CCDC90B: variants seen among roughly 807,000 people sequenced by gnomAD.
The protein encoded by CCDC90B is coiled-coil domain-containing protein 90B, mitochondrial.
CCDC90B carries 24 observed loss-of-function variants against 37.0 expected under a neutral mutation model. The ratio of observed to expected loss-of-function variants is 0.65; its 90% CI spans 0.47 to 0.91. CCDC90B has a LOEUF of 0.91. Among genes scored for constraint, CCDC90B ranks in the 40% least tolerant of loss-of-function variants. The probability of loss-of-function intolerance (pLI) is 0.00; values close to 1 mark genes in which losing one functional copy is unlikely to be tolerated. For synonymous variants in CCDC90B, 113 were observed against 101.1 expected, an observed-to-expected ratio of 1.12 and a Z score of -0.71; for missense variants, 319 against 299.0, an observed-to-expected ratio of 1.07 and a Z score of -0.49.
chr11:83,274,885 T>C (rs1864929557), intron 3 of CCDC90B, 145 bp from the exon 4 acceptor site: 1 of 464,576 alleles, frequency 2.2e-6, no homozygotes, highest in Non-Finnish European at 3.8e-6. Flanking sequence ...AACCTACATA[T>C]CTGAAATATC....
rs775485324 is a variant in CCDC90B, at chr11:83,265,910, T to A, written c.664A>T (p.Thr222Ser). ...KIDAEIASLK[T>S]LMESNKLETI... ...TCAAGTTTGTTAGATTCCATCAGTG[T>A]TTTTAAGGAAGCAATTTCAGCGTCA... Residue 222 changes from threonine (T) to serine (S), a missense_variant, in exon 8 of 9, where the codon ACA becomes TCA. Transcript: ENST00000529689. The A allele has an allele frequency of 2.7e-5, 44 of 1,612,064 alleles. No homozygotes were observed. Among genetic ancestry groups the A allele is most frequent in the Non-Finnish European group, 3.7e-5 (44 of 1,179,168 alleles).
rs2135573639 is a variant in CCDC90B at position 83,259,786 on chromosome 11, T to A, written c.*2125A>T. The stretch of plus-strand genomic sequence containing the variant: ...CTCAAGCAATCCTGCTGCCGCAGCC[T>A]CCCAAGCAGCTAGGACTATAGATGT... On this transcript the variant is annotated 3_prime_UTR_variant, in exon 9 of 9. Transcript: ENST00000529689. 1 of 152,386 alleles carries A rather than the reference T, an allele frequency of 6.6e-6. No homozygotes were observed. Among genetic ancestry groups the A allele is most frequent in the East Asian group, 1.9e-4 (1 of 5,174 alleles). The allele number at this position is 152,386 out of a possible 1,614,324, so 9.4% of individuals were successfully genotyped here. A position where few individuals can be genotyped will look rare whatever the true frequency, so the allele number is the denominator to read the frequency against.
At chr11:83,285,078 G>A (rs1865599881) in intron 1 of CCDC90B, 7 of 1,079,030 alleles carry the variant, frequency 6.5e-6, no homozygotes, top group South Asian at 5.2e-5. Context: ...ACAATATGGA[G>A]TATAAATAAC....
At position 83,260,698 on chromosome 11, in the gene CCDC90B, C is replaced by G. The variant is rs1285350809; in HGVS notation, c.*1213G>C. 6.6e-6 allele frequency: 1 copy of G among 152,124 alleles called. No individual in the cohort carries two copies. The highest frequency in any genetic ancestry group is 2.4e-5 in the African/African-American group (1 of 41,426). 9.4% of individuals were successfully genotyped at this position (152,124 alleles called of 1,614,324 possible). The stretch of plus-strand genomic sequence containing the variant: ...AGGCATTATGAACTCAAAATGTTTA[C>G]TTTCTGGTCTTGTCTTCTTGATCTG... On this transcript the variant is annotated 3_prime_UTR_variant, in exon 9 of 9. Coordinates refer to ENST00000529689, the MANE Select transcript of CCDC90B (RefSeq NM_021825.5).
At position 83,274,596 on chromosome 11, in the gene CCDC90B, G is replaced by C. The variant is rs1864908695; in HGVS notation, c.426+43C>G. 4 of 1,159,896 alleles carry C rather than the reference G, an allele frequency of 3.4e-6. No homozygotes were observed. The African/African-American group carries it at 6.2e-5, about 18-fold the overall frequency. The allele number at this position is 1,159,896 out of a possible 1,614,324, so 71.9% of individuals were successfully genotyped here. ...ATTCCTTAAGTAGGATGCTTATTAT[G>C]AGATCAGTTATTTTATAAGTAATAA... On this transcript the variant is annotated intron_variant, in intron 4 of 8. Coordinates refer to ENST00000529689, the MANE Select transcript of CCDC90B (RefSeq NM_021825.5).
intron 7 of CCDC90B, chr11:83,267,097 C>G (rs1428786806): frequency 2.0e-5 from 3 of 152,216 alleles, no homozygotes; most frequent in Admixed American, 6.5e-5. Context: ...CACCAAAACC[C>G]CATCTGTAGG....
intron 3 of CCDC90B, among the ~76,000 whole-genome samples, chr11:83,277,605 C>T (rs982065412): frequency 6.6e-6 from 1 of 152,048 alleles, no homozygotes; most frequent in Admixed American, 6.6e-5. Flanking sequence ...GCCTCAGCCT[C>T]CCGAGGAGCT....
At position 83,259,235 on chromosome 11, in the gene CCDC90B, G is replaced by C. The variant is rs2135572377; in HGVS notation, c.*2676C>G. 6.6e-6 allele frequency: 1 copy of C among 152,278 alleles called. No individual in the cohort carries two copies. Among genetic ancestry groups the C allele is most frequent in the Middle Eastern group, 3.4e-3 (1 of 294 alleles). 9.4% of individuals were successfully genotyped at this position (152,278 alleles called of 1,614,324 possible). On this transcript the variant is annotated 3_prime_UTR_variant, in exon 9 of 9. Coordinates refer to ENST00000529689, the MANE Select transcript of CCDC90B (RefSeq NM_021825.5). Reference sequence around the variant, plus strand: ...ATAGTGAAGTGCAAGTGCTGGAATAGAGGTATAGTTTTAAGGCATATAGAA... The same window carrying C: ...ATAGTGAAGTGCAAGTGCTGGAATACAGGTATAGTTTTAAGGCATATAGAA...
In CCDC90B at chr11:83,259,317, T is replaced by G. The variant is rs1432190367; in HGVS notation, c.*2594A>C. The stretch of plus-strand genomic sequence containing the variant: ...TCCATCACTGAAACAAAAATTTACC[T>G]GAACCCCAGAACCACCATCAAAATG... On this transcript the variant is annotated 3_prime_UTR_variant, in exon 9 of 9. Coordinates refer to ENST00000529689, the MANE Select transcript of CCDC90B (RefSeq NM_021825.5). The G allele has an allele frequency of 6.6e-6, 1 of 152,146 alleles. No individual in the cohort carries two copies. Among genetic ancestry groups the G allele is most frequent in the Non-Finnish European group, 1.5e-5 (1 of 68,018 alleles). 9.4% of individuals were successfully genotyped at this position (152,146 alleles called of 1,614,324 possible).
chr11:83,267,780 G>T (rs1475877230), intron 7 of CCDC90B, among the ~76,000 whole-genome samples: 1 of 152,166 alleles, frequency 6.6e-6, no homozygotes, highest in Non-Finnish European at 1.5e-5. Flanking sequence ...TACTCCTTAA[G>T]AAGAGCAACC....
At chr11:83,277,184 T>C (rs1324795327) in intron 3 of CCDC90B, among the ~76,000 whole-genome samples, 2 of 152,224 alleles carry the variant, frequency 1.3e-5, no homozygotes, top group African/African-American at 4.8e-5. Context: ...GCAGCACAAA[T>C]ATTCCTCAAA....
At chr11:83,284,418 G>A (rs1865563584) in intron 1 of CCDC90B, among the ~76,000 whole-genome samples, 1 of 152,200 alleles carries the variant, frequency 6.6e-6, no homozygotes, top group Admixed American at 6.5e-5. Context: ...AAACACTTCA[G>A]TGTATAGCCA....
Position 83,280,121 on chromosome 11 carries a change from G to T in CCDC90B, c.220+20C>A. On this transcript the variant is annotated intron_variant, in intron 2 of 8. Transcript: ENST00000529689. ...AGTGCTATTAATTTTCTTCTTTCAG[G>T]AGGTATCCATGTTTCTCACCATGAG... 6.2e-7 allele frequency: 1 copy of T among 1,605,314 alleles called. No individual in the cohort carries two copies. Among genetic ancestry groups the T allele is most frequent in the South Asian group, 1.1e-5 (1 of 89,484 alleles).
intron 8 of CCDC90B, among the ~76,000 whole-genome samples, chr11:83,262,292 G>A (rs1863973784): frequency 6.6e-6 from 1 of 152,012 alleles, no homozygotes; most frequent in Non-Finnish European, 1.5e-5. Flanking sequence ...CATGATAAAT[G>A]AAATCTTTCT....
Position 83,259,148 on chromosome 11 carries a change from C to G in CCDC90B, c.*2763G>C, listed in dbSNP as rs915706152. 1 of 152,156 alleles carries G rather than the reference C, an allele frequency of 6.6e-6. No homozygotes were observed. Among genetic ancestry groups the G allele is most frequent in the Non-Finnish European group, 1.5e-5 (1 of 68,022 alleles). 9.4% of individuals were successfully genotyped at this position (152,156 alleles called of 1,614,324 possible). A position where few individuals can be genotyped will look rare whatever the true frequency, so the allele number is the denominator to read the frequency against. On this transcript the variant is annotated 3_prime_UTR_variant, in exon 9 of 9. Transcript: ENST00000529689. Reference sequence around the variant, plus strand: ...CGTTTAACAAGTACCTCACATGTGTCTAGAGGCCTTCTGAGAACTTGTAGT... The same window carrying G: ...CGTTTAACAAGTACCTCACATGTGTGTAGAGGCCTTCTGAGAACTTGTAGT...
chr11:83,285,128 T>G (rs1191431857), intron 1 of CCDC90B: 2 of 1,257,294 alleles, frequency 1.6e-6, no homozygotes, highest in East Asian at 5.8e-5. Flanking sequence ...TCAGCGTACC[T>G]GGCACTGAAG....
intron 1 of CCDC90B, among the ~76,000 whole-genome samples, chr11:83,282,902 C>T (rs890897822): frequency 2.6e-5 from 4 of 152,182 alleles, no homozygotes; most frequent in Non-Finnish European, 4.4e-5. Flanking sequence ...AGACTACCAC[C>T]GCCTGTTTTT....
At chr11:83,278,585 T>C (rs1227926392) in intron 3 of CCDC90B, 141 bp downstream of exon 3, 3 of 562,676 alleles carry the variant, frequency 5.3e-6, no homozygotes, top group Middle Eastern at 4.7e-4. Context: ...ACTGACTTTA[T>C]TCAATGTTTT....
At chr11:83,285,448 A>G in intron 1 of CCDC90B, 1 of 1,122,426 alleles carries the variant, frequency 8.9e-7, no homozygotes, top group Non-Finnish European at 1.1e-6. Flanking sequence ...GAAATTTATG[A>G]TGCTGTCTAC....
Sources: allele counts gnomAD v4.1 joint callset (sites outside exome capture counted in the v4.1 genomes callset), GRCh38; gene constraint gnomAD v4.1.1; transcripts MANE v1.5; gene names NCBI Gene and HGNC (gene_info 2026-07-23, HGNC 2026-07-21).